Variants in CWF19L1 observed in about 807,000 individuals in gnomAD.
CWF19L1 encodes CWF19-like protein 1.
CWF19L1 carries 60 observed loss-of-function variants against 69.7 expected under a neutral mutation model. The ratio of observed to expected loss-of-function variants is 0.86; its 90% CI spans 0.70 to 1.07. CWF19L1 has a LOEUF of 1.07. CWF19L1 is among the 50% of genes least tolerant of loss of function. The pLI, the probability that CWF19L1 is intolerant of heterozygous loss-of-function variation, is 0.00. For missense variants in CWF19L1, 591 were observed against 638.9 expected, an observed-to-expected ratio of 0.92 and a Z score of 0.81; for synonymous variants, 209 against 222.2, an observed-to-expected ratio of 0.94 and a Z score of 0.53.
At chr10:100,234,804 G>A (rs1235728828) in intron 13 of CWF19L1, among the ~76,000 whole-genome samples, 1 of 152,154 alleles carries the variant, frequency 6.6e-6, no homozygotes, top group African/African-American at 2.4e-5. Context: ...CTTAAGTTAT[G>A]TTACTCCCTC....
chr10:100,262,195 G>A, intron 1 of CWF19L1, 132 bp from the exon 2 acceptor site: 1 of 1,399,372 alleles, frequency 7.1e-7, no homozygotes, highest in Non-Finnish European at 9.3e-7. Flanking sequence ...AAGGTTCAGT[G>A]CACGTAAACC....
At chr10:100,250,764 AG>A in intron 6 of CWF19L1, among the ~76,000 whole-genome samples, 1 of 151,238 alleles carries the variant, frequency 6.6e-6, no homozygotes. Context: ...TGGGCAACAC[AG>A]TGAGACTCTG....
chr10:100,251,747 A>G (rs976311990), intron 6 of CWF19L1, among the ~76,000 whole-genome samples: 19 of 152,098 alleles, frequency 1.2e-4, no homozygotes, highest in African/African-American at 4.3e-4. Flanking sequence ...TCCTGACCTC[A>G]TGATCTGCCT....
intron 10 of CWF19L1, among the ~76,000 whole-genome samples, chr10:100,238,799 G>A (rs1214606911): frequency 6.6e-6 from 1 of 151,994 alleles, no homozygotes; most frequent in Non-Finnish European, 1.5e-5. Flanking sequence ...GCCTGTGATG[G>A]CATGTGCCTG....
chr10:100,233,555 G>A, intron 13 of CWF19L1, 184 bp from the exon 14 acceptor site: 1 of 451,780 alleles, frequency 2.2e-6, no homozygotes, highest in Non-Finnish European at 3.7e-6. Context: ...TATATTTCCT[G>A]ATCCTTCAAA....
intron 10 of CWF19L1, 77 bp from the exon 11 acceptor site, chr10:100,238,308 G>T: frequency 7.3e-7 from 1 of 1,378,284 alleles, no homozygotes; most frequent in Non-Finnish European, 1.0e-6. Context: ...TATACAAAAA[G>T]TGAGCCTGAG....
chr10:100,235,716 C>T lies in CWF19L1; in HGVS notation c.1423G>A (p.Glu475Lys). ...TTTTTAATTCTGTGGAAAAGCTTTT[C>T]TCCTGTGTCAAGTTCAACATAAAAA... Reference protein sequence around the residue: ...AYFYVELDTGEKLFHRIKKNF... With the variant: ...AYFYVELDTGKKLFHRIKKNF... The change falls in exon 13 of 14, where the codon GAA becomes AAA. Residue 475 changes from glutamate (E) to lysine (K), a missense_variant. By Grantham distance (56) the Glu-to-Lys change is moderately conservative. Transcript: ENST00000354105. 6.2e-7 allele frequency: 1 copy of T among 1,612,478 alleles called. No homozygotes were observed. Among genetic ancestry groups the T allele is most frequent in the Non-Finnish European group, 8.5e-7 (1 of 1,179,928 alleles).
intron 1 of CWF19L1, among the ~76,000 whole-genome samples, chr10:100,263,842 C>T (rs1255672788): frequency 6.6e-6 from 1 of 152,234 alleles, no homozygotes; most frequent in Admixed American, 6.5e-5. Context: ...TCTACCTAAT[C>T]CCAGCTGTTC....
chr10:100,267,552 T>G lies in CWF19L1; in HGVS notation c.23+19A>C. On this transcript the variant is annotated intron_variant, in intron 1 of 13. Coordinates refer to ENST00000354105, the MANE Select transcript of CWF19L1 (RefSeq NM_018294.6). ...CGAAAGAGACACAGGGAGAGAGGCT[T>G]CCATTCACGGTCACTCACAGGCGCA... 1 of 1,614,150 alleles carries G rather than the reference T, an allele frequency of 6.2e-7. No individual in the cohort carries two copies. Among genetic ancestry groups the G allele is most frequent in the Non-Finnish European group, 8.5e-7 (1 of 1,180,028 alleles).
At chr10:100,253,089 T>G (rs116065379) in intron 6 of CWF19L1, among the ~76,000 whole-genome samples, 359 of 152,272 alleles carry the variant, frequency 2.4e-3, no homozygotes, top group African/African-American at 7.6e-3. Context: ...GCGTAGTCAT[T>G]GCACACTATA....
At position 100,255,626 on chromosome 10, in the gene CWF19L1, G is replaced by A. The variant is rs1393275105; in HGVS notation, c.504+636C>T. 2.0e-5 allele frequency among the ~76,000 whole-genome samples: 3 copies of A among 152,114 alleles called. No homozygotes were observed. The East Asian group carries it at 5.8e-4, about 29-fold the overall frequency. ...AAAATACAAAAAATTAGCCAGGCAT[G>A]GCAGTGTGCGCCTATAGTCCCAGCT... On this transcript the variant is annotated intron_variant, in intron 5 of 13. Coordinates refer to ENST00000354105, the MANE Select transcript of CWF19L1 (RefSeq NM_018294.6).
chr10:100,249,469 T>C (rs973000915), intron 7 of CWF19L1, among the ~76,000 whole-genome samples: 3 of 138,254 alleles, frequency 2.2e-5, no homozygotes, highest in Non-Finnish European at 4.4e-5. Flanking sequence ...ATTTTTCTGG[T>C]ATATTCTTTT....
At chr10:100,245,707 G>T in intron 9 of CWF19L1, 92 bp downstream of exon 9, 1 of 895,282 alleles carries the variant, frequency 1.1e-6, no homozygotes, top group Non-Finnish European at 1.8e-6. Context: ...TCCCCTGCCA[G>T]AAGAGGCTCT....
intron 6 of CWF19L1, among the ~76,000 whole-genome samples, chr10:100,252,384 G>A (rs955259777): frequency 9.2e-5 from 14 of 151,622 alleles, no homozygotes; most frequent in Non-Finnish European, 1.5e-4. Context: ...GCAGTGAGCC[G>A]AGATCATGCC....
rs200544782 is a variant in CWF19L1 at position 100,245,820 on chromosome 10, G to A, written c.943C>T (p.Pro315Ser). 415 of 1,613,978 alleles carry A rather than the reference G, an allele frequency of 2.6e-4. No homozygotes were observed. Among genetic ancestry groups the A allele is most frequent in the Admixed American group, 6.7e-4 (40 of 60,030 alleles). ...TTACGAGGTTTGCGAGGCTGCTTTG[G>A]ATGAGGAGAAGATTTGCTATCTCTA... Reference protein sequence around the residue: ...TGRDSKSSPHPKQPRKPPQPP... With the variant: ...TGRDSKSSPHSKQPRKPPQPP... Residue 315 changes from proline to serine, a missense_variant, in exon 9 of 14, where the codon CCA becomes TCA. Transcript: ENST00000354105.
rs1846450876 is a variant in CWF19L1, at chr10:100,236,728, C to A, written c.1374+122G>T. 6.7e-6 allele frequency: 8 copies of A among 1,201,326 alleles called. No individual in the cohort carries two copies. The South Asian group carries it at 1.3e-4, about 20-fold the overall frequency. 74.4% of individuals were successfully genotyped at this position (1,201,326 alleles called of 1,614,324 possible). On this transcript the variant is annotated intron_variant, in intron 12 of 13. Coordinates refer to ENST00000354105, the MANE Select transcript of CWF19L1 (RefSeq NM_018294.6). ...GAGGTTGCAGTGAGCCAAGATCATG[C>A]CACTGCACTCCAACCTAGGCAACAG... is the stretch of plus-strand genomic sequence containing the variant.
rs370033413 is a variant in CWF19L1, at chr10:100,246,787, G to C, written c.849+8C>G. The C allele has an allele frequency of 8.1e-6, 13 of 1,611,566 alleles. No individual in the cohort carries two copies. In the African/African-American group the frequency reaches 1.6e-4, roughly 20 times the overall value. On this transcript the variant is annotated splice_region_variant and intron_variant, in intron 8 of 13. Transcript: ENST00000354105. ...ATATAAAAATGCCAACCCTCAATCA[G>C]AACATACCACAGGGGCAAGAATTTG...
rs1846337989 is a variant in CWF19L1 at position 100,233,389 on chromosome 10, AG to A, written c.1473-19del. The A allele has an allele frequency of 1.2e-6, 2 of 1,605,834 alleles. No homozygotes were observed. Among genetic ancestry groups the A allele is most frequent in the African/African-American group, 1.3e-5 (1 of 74,768 alleles). On this transcript the variant is annotated intron_variant, in intron 13 of 13. Transcript: ENST00000354105. ...GGACCTCCCTGCAGAAATAGCACAAAGAAGTCAAAATGGAAACTATCAGCCT... is the reference window on the plus strand; with the variant it reads ...GGACCTCCCTGCAGAAATAGCACAAAAAGTCAAAATGGAAACTATCAGCCT...
At chr10:100,263,871 TG>T (rs1847483591) in intron 1 of CWF19L1, among the ~76,000 whole-genome samples, 1 of 152,244 alleles carries the variant, frequency 6.6e-6, no homozygotes, top group African/African-American at 2.4e-5. Flanking sequence ...GGCTCTGATT[TG>T]TTCTCCACAT....
Sources: gnomAD v4.1 joint callset for allele counts (sites outside exome capture counted in the v4.1 genomes callset) on GRCh38, gnomAD v4.1.1 for gene constraint, MANE v1.5 for transcripts, NCBI Gene and HGNC (gene_info 2026-07-23, HGNC 2026-07-21) for gene names.